Variants in VPS13A observed in about 807,000 individuals in gnomAD.
VPS13A encodes vacuolar protein sorting 13 homolog A, also known as intermembrane lipid transfer protein VPS13A.
In VPS13A, 264 loss-of-function variants were observed where a neutral mutation model predicts 390.9. The ratio of observed to expected loss-of-function variants is 0.68; its 90% CI spans 0.61 to 0.75. The LOEUF (loss-of-function observed/expected upper bound fraction) is 0.75, where lower values mean the gene tolerates loss of function less well. Ranked by LOEUF, VPS13A falls within the 30% of genes least tolerant of loss-of-function variation. The pLI, the probability that VPS13A is intolerant of heterozygous loss-of-function variation, is 0.00. For synonymous variants in VPS13A, 1,231 were observed against 1,227.1 expected, an observed-to-expected ratio of 1.00 and a Z score of -0.07; for missense variants, 3,409 against 3,733.9, an observed-to-expected ratio of 0.91 and a Z score of 2.27.
chr9:77,187,701 C>CT, intron 1 of VPS13A, among the ~76,000 whole-genome samples: 1 of 151,996 alleles, frequency 6.6e-6, no homozygotes, highest in Admixed American at 6.6e-5. Context: ...CCTTTTCTTC[C>CT]TTTTTTTCCC....
At chr9:77,189,050 C>G (rs1824514582) in intron 1 of VPS13A, among the ~76,000 whole-genome samples, 1 of 150,908 alleles carries the variant, frequency 6.6e-6, no homozygotes, top group Non-Finnish European at 1.5e-5. Flanking sequence ...TGTTTTCTCC[C>G]ATTTTGTAGA....
chr9:77,380,983 C>A (rs981319732), intron 67 of VPS13A, among the ~76,000 whole-genome samples: 2 of 152,200 alleles, frequency 1.3e-5, no homozygotes, highest in African/African-American at 4.8e-5. Flanking sequence ...TGGACCGGTA[C>A]TGGTTCAAGT....
intron 34 of VPS13A, among the ~76,000 whole-genome samples, chr9:77,304,222 C>G (rs1828574571): frequency 1.3e-5 from 2 of 152,302 alleles, no homozygotes; most frequent in East Asian, 3.9e-4. Context: ...CAAGGCACGT[C>G]CTGCACAGCC....
rs987878069 is a variant in VPS13A, at chr9:77,418,662, C to T, written c.*2656C>T. On this transcript the variant is annotated 3_prime_UTR_variant, in exon 72 of 72. Coordinates refer to ENST00000360280, the MANE Select transcript of VPS13A (RefSeq NM_033305.3). ...ACCACCTGTAGACAGTTCTTACCTA[C>T]CCCTCTCCTCCACAATCCTAGTCCA... 2 of 75,778 alleles carry T rather than the reference C, an allele frequency of 2.6e-5. No individual in the cohort carries two copies. Among genetic ancestry groups the T allele is most frequent in the Non-Finnish European group, 5.7e-5 (2 of 34,802 alleles). 4.7% of individuals were successfully genotyped at this position (75,778 alleles called of 1,614,324 possible). A position where few individuals can be genotyped will look rare whatever the true frequency, so the allele number is the denominator to read the frequency against.
intron 20 of VPS13A, 103 bp from the exon 21 acceptor site, chr9:77,249,993 AT>A (rs1564664134): frequency 7.6e-7 from 1 of 1,308,450 alleles, no homozygotes; most frequent in African/African-American, 1.5e-5. Flanking sequence ...TTACTTGTGA[AT>A]TTATCCTCTC....
intron 71 of VPS13A, 107 bp from the exon 72 acceptor site, chr9:77,415,849 A>T: frequency 7.6e-7 from 1 of 1,308,780 alleles, no homozygotes; most frequent in African/African-American, 1.5e-5. Context: ...TGTCAGTATT[A>T]CACCTAACTA....
intron 46 of VPS13A, among the ~76,000 whole-genome samples, chr9:77,336,688 A>G (rs1402062668): frequency 8.6e-6 from 1 of 115,880 alleles, no homozygotes; most frequent in African/African-American, 2.7e-5. Flanking sequence ...TTTATATGAA[A>G]CCATTTATAA....
intron 32 of VPS13A, among the ~76,000 whole-genome samples, chr9:77,293,931 T>A (rs575443510): frequency 9.2e-5 from 14 of 152,282 alleles, no homozygotes; most frequent in Non-Finnish European, 1.5e-4. Context: ...AGAGACAAGG[T>A]CTTGCTCTGT....
At chr9:77,392,446 AT>A (rs1286256271) in intron 68 of VPS13A, among the ~76,000 whole-genome samples, 1 of 152,078 alleles carries the variant, frequency 6.6e-6, no homozygotes, top group Non-Finnish European at 1.5e-5. Flanking sequence ...TAGAGTTATT[AT>A]TTTTTATTAT....
At chr9:77,316,703 T>C (rs1316218428) in intron 39 of VPS13A, among the ~76,000 whole-genome samples, 2 of 152,094 alleles carry the variant, frequency 1.3e-5, no homozygotes, top group African/African-American at 4.8e-5. Flanking sequence ...AATTCCAAAT[T>C]GCTCTTTGGA....
intron 7 of VPS13A, 121 bp from the exon 8 acceptor site, chr9:77,212,848 T>C (rs1017839719): frequency 1.9e-5 from 19 of 1,009,338 alleles, no homozygotes; most frequent in Non-Finnish European, 2.6e-5. Flanking sequence ...TGGAGTGATA[T>C]GTCTTTAAAG....
intron 17 of VPS13A, among the ~76,000 whole-genome samples, chr9:77,232,833 T>C (rs988983280): frequency 1.3e-5 from 2 of 152,154 alleles, no homozygotes; most frequent in Non-Finnish European, 2.9e-5. Context: ...GGGGGAATTA[T>C]GGGAGCTACA....
At chr9:77,238,765 C>T (rs184694209) in intron 19 of VPS13A, among the ~76,000 whole-genome samples, 20 of 152,196 alleles carry the variant, frequency 1.3e-4, no homozygotes, top group Non-Finnish European at 2.2e-4. Flanking sequence ...TGAATAAGGT[C>T]GGGTACGATT....
Position 77,283,456 on chromosome 9 carries a change from G to A in VPS13A, c.3220G>A (p.Glu1074Lys), listed in dbSNP as rs1325724903. The A allele has an allele frequency of 1.9e-6, 3 of 1,604,144 alleles. No individual in the cohort carries two copies. The highest frequency in any genetic ancestry group is 2.7e-5 in the African/African-American group (2 of 74,626). Residue 1074 changes from glutamate to lysine, a missense_variant, in exon 30 of 72, where the codon GAA becomes AAA. Physicochemically the swap from Glu to Lys is moderately conservative, Grantham distance 56. Transcript: ENST00000360280. ...FIQDQKCNIS[E>K]IKIEGLDSEM... ...TCAAGATCAGAAATGTAACATTTCT[G>A]AAATTAAGATTGAAGGTAATAAAAT...
In VPS13A at chr9:77,358,389, C is replaced by G. The variant is rs1456919696; in HGVS notation, c.7986C>G (p.Pro2662=). Residue 2662 remains proline (P), a synonymous_variant, in exon 57 of 72, where the codon CCC becomes CCG. Transcript: ENST00000360280. The part of the protein sequence containing the change: ...IQNQIHGAVF[P]FVFYPVKPPK... ...ATCAGATACATGGTGCTGTATTTCCCTTTGTGTTTTATCCTGTTAAACCTC... is the reference window on the plus strand; with the variant it reads ...ATCAGATACATGGTGCTGTATTTCCGTTTGTGTTTTATCCTGTTAAACCTC... 2 of 1,613,480 alleles carry G rather than the reference C, an allele frequency of 1.2e-6. No individual in the cohort carries two copies. The highest frequency in any genetic ancestry group is 2.2e-5 in the South Asian group (2 of 91,048).
intron 50 of VPS13A, among the ~76,000 whole-genome samples, chr9:77,343,088 G>A (rs1248704968): frequency 2.0e-5 from 3 of 151,954 alleles, no homozygotes; most frequent in Admixed American, 6.6e-5. Flanking sequence ...CAGCTCAGGC[G>A]CTCCCTTTCC....
chr9:77,368,091 A>C lies in VPS13A; in HGVS notation c.8508A>C (p.Thr2836=). ...AFFELNYQFH[T]TSDLQSEVIR... is the part of the protein sequence containing the mutation. ...TTGAACTCAACTATCAGTTCCATAC[A>C]ACATCCGATCTACAGTCTGAAGTCA... Residue 2836 remains threonine (T), a synonymous_variant, in exon 62 of 72, where the codon ACA becomes ACC. Transcript: ENST00000360280. 1 of 1,612,656 alleles carries C rather than the reference A, an allele frequency of 6.2e-7. No homozygotes were observed. The highest frequency in any genetic ancestry group is 1.1e-5 in the South Asian group (1 of 90,922).
chr9:77,214,560 A>G (rs1822749825), intron 10 of VPS13A, among the ~76,000 whole-genome samples, 174 bp downstream of exon 10: 1 of 152,102 alleles, frequency 6.6e-6, no homozygotes, highest in Non-Finnish European at 1.5e-5. Context: ...AACGTATTTT[A>G]TTGTTATGAA....
chr9:77,264,122 C>G (rs778184757), intron 23 of VPS13A, among the ~76,000 whole-genome samples: 1 of 152,128 alleles, frequency 6.6e-6, no homozygotes, highest in African/African-American at 2.4e-5. Flanking sequence ...GGTGTTATTT[C>G]TGAGGCCCCT....
Sources: gnomAD v4.1 joint callset for allele counts (sites outside exome capture counted in the v4.1 genomes callset) on GRCh38, gnomAD v4.1.1 for gene constraint, MANE v1.5 for transcripts, NCBI Gene and HGNC (gene_info 2026-07-23, HGNC 2026-07-21) for gene names.